Variants in KIAA1217 observed in about 807,000 individuals in gnomAD.
The protein encoded by KIAA1217 is KIAA1217, also known as sickle tail protein homolog.
Under a neutral mutation model 163.9 loss-of-function variants are expected in KIAA1217, and 88 were observed. The ratio of observed to expected loss-of-function variants is 0.54; its 90% CI spans 0.45 to 0.64. KIAA1217 has a LOEUF of 0.64. Ranked by LOEUF, KIAA1217 falls within the 30% of genes least tolerant of loss-of-function variation. The probability of loss-of-function intolerance (pLI) is 0.00; values close to 1 mark genes in which losing one functional copy is unlikely to be tolerated. For synonymous variants in KIAA1217, 903 were observed against 923.1 expected (o/e 0.98, Z 0.39); for missense variants, 2,372 against 2,475.0 (o/e 0.96, Z 0.88).
intron 17 of KIAA1217, among the ~76,000 whole-genome samples, chr10:24,541,596 A>C (rs966980569): frequency 4.6e-5 from 7 of 152,116 alleles, no homozygotes; most frequent in African/African-American, 1.7e-4. Flanking sequence ...ATAATCAATC[A>C]CCTCAGCATG....
chr10:23,998,159 A>G (rs1422652496), intron 1 of KIAA1217, among the ~76,000 whole-genome samples: 2 of 152,190 alleles, frequency 1.3e-5, no homozygotes, highest in African/African-American at 2.4e-5. Flanking sequence ...GAAAAAGAAA[A>G]AAAAAGACTT....
intron 1 of KIAA1217, among the ~76,000 whole-genome samples, chr10:23,806,878 C>T (rs1022431178): frequency 6.6e-6 from 1 of 152,180 alleles, no homozygotes; most frequent in Non-Finnish European, 1.5e-5. Context: ...GCTTCCCACC[C>T]CTCTTTCAGT....
intron 2 of KIAA1217, among the ~76,000 whole-genome samples, chr10:24,039,941 C>T (rs1233654364): frequency 6.6e-6 from 1 of 152,116 alleles, no homozygotes; most frequent in Non-Finnish European, 1.5e-5. Flanking sequence ...TGATTTTTCC[C>T]CTTTCCCTTG....
In KIAA1217 at chr10:23,709,125, T is replaced by A. The variant is rs116224975; in HGVS notation, c.-321+13891T>A. 7.8e-3 allele frequency among the ~76,000 whole-genome samples: 1,194 copies of A among 152,300 alleles called. 19 individuals are homozygous for A. Among genetic ancestry groups the A allele is most frequent in the African/African-American group, 0.027 (1,123 of 41,558 alleles). On this transcript the variant is annotated intron_variant, in intron 1 of 18. Coordinates refer to the KIAA1217 transcript ENST00000376462. ...CGGTGTTCATGGCTTACCCTCCAGA[T>A]GTTTTGACTGGCCGTTGCCCCACCA... is the stretch of plus-strand genomic sequence containing the variant.
At position 24,089,260 on chromosome 10, in the gene KIAA1217, A is replaced by C. The variant is rs574208722; in HGVS notation, c.-171+81886A>C. On this transcript the variant is annotated intron_variant, in intron 2 of 18. Transcript: ENST00000376462. ...TTCTGTAAGTTGCCTATTCACTCTG[A>C]TGGTAGTTTCTTTTGCTGTGCAGAA... is the stretch of plus-strand genomic sequence containing the variant. Among the ~76,000 whole-genome samples the C allele has an allele frequency of 8.2e-4, 102 of 125,106 alleles. 9 individuals are homozygous for C. Among genetic ancestry groups the C allele is most frequent in the African/African-American group, 2.4e-3 (97 of 39,986 alleles). 82.1% of individuals were successfully genotyped at this position (125,106 alleles called of 152,430 possible). A position where few individuals can be genotyped will look rare whatever the true frequency, so the allele number is the denominator to read the frequency against.
chr10:24,369,646 T>C (rs2051292959), intron 2 of KIAA1217, among the ~76,000 whole-genome samples: 1 of 152,238 alleles, frequency 6.6e-6, no homozygotes, highest in Non-Finnish European at 1.5e-5. Context: ...GAAGGCCTTC[T>C]AAGATGTGTA....
chr10:24,019,616 T>G (rs10741036), intron 2 of KIAA1217, among the ~76,000 whole-genome samples: 3 of 151,736 alleles, frequency 2.0e-5, no homozygotes, highest in African/African-American at 7.2e-5. Context: ...TGGAAATACT[T>G]AACTCTGAGG....
chr10:24,211,387 T>A (rs1454017319), intron 1 of KIAA1217, among the ~76,000 whole-genome samples: 3 of 145,616 alleles, frequency 2.1e-5, no homozygotes, highest in African/African-American at 7.6e-5. Context: ...TTTTTTTTTT[T>A]TTTAGAGAGG....
At chr10:23,838,335 A>G (rs1838593589) in intron 1 of KIAA1217, among the ~76,000 whole-genome samples, 1 of 152,236 alleles carries the variant, frequency 6.6e-6, no homozygotes, top group African/African-American at 2.4e-5. Context: ...TACAGTATAC[A>G]TTTTGTTGTA....
At chr10:24,374,006 T>C (rs996936392) in intron 2 of KIAA1217, among the ~76,000 whole-genome samples, 1 of 152,212 alleles carries the variant, frequency 6.6e-6, no homozygotes, top group Non-Finnish European at 1.5e-5. Context: ...CCAGAACAAA[T>C]GCCATTCTGT....
chr10:24,292,194 G>A (rs2079147149), intron 2 of KIAA1217, among the ~76,000 whole-genome samples: 1 of 152,172 alleles, frequency 6.6e-6, no homozygotes, highest in South Asian at 2.1e-4. Flanking sequence ...GACCCCAGAG[G>A]ATTAAGTGGA....
At chr10:24,192,753 C>T (rs527713562) in intron 2 of KIAA1217, among the ~76,000 whole-genome samples, 125 of 152,266 alleles carry the variant, frequency 8.2e-4, no homozygotes, top group African/African-American at 2.9e-3. Context: ...ACAGCAAGAC[C>T]TTGGGAAGAT....
chr10:24,375,017 C>T (rs770039031), intron 2 of KIAA1217, among the ~76,000 whole-genome samples: 6 of 152,126 alleles, frequency 3.9e-5, no homozygotes, highest in Admixed American at 6.5e-5. Context: ...AACTCCTGGG[C>T]TCAAGCAATC....
chr10:23,876,339 G>A (rs568756615), intron 1 of KIAA1217, among the ~76,000 whole-genome samples: 3 of 151,950 alleles, frequency 2.0e-5, no homozygotes, highest in Non-Finnish European at 2.9e-5. Flanking sequence ...AAGGAGGGTG[G>A]AAGGGATGGG....
At chr10:23,715,522 T>C (rs974684009) in intron 1 of KIAA1217, among the ~76,000 whole-genome samples, 3 of 152,218 alleles carry the variant, frequency 2.0e-5, no homozygotes, top group African/African-American at 4.8e-5. Flanking sequence ...TGAGACCTCA[T>C]GGTAAAAGTT....
rs190891404 is a variant in KIAA1217, at chr10:24,350,667, C to T, written c.355-30202C>T. Among the ~76,000 whole-genome samples the T allele has an allele frequency of 2.5e-3, 384 of 152,088 alleles. 3 individuals carry two copies. The highest frequency in any genetic ancestry group is 8.6e-3 in the African/African-American group (358 of 41,510). On this transcript the variant is annotated intron_variant, in intron 2 of 20. Transcript: ENST00000376454. ...AAAGGAATGCAGTAAACTCTTTTTA[C>T]CCATTAGTAATTGACTTTGAAACAG...
intron 1 of KIAA1217, among the ~76,000 whole-genome samples, chr10:23,741,389 AT>A (rs528521781): frequency 2.0e-5 from 3 of 150,960 alleles, no homozygotes; most frequent in South Asian, 2.1e-4. Flanking sequence ...TCTTTTCCTT[AT>A]TTTTTTTCTG....
intron 2 of KIAA1217, among the ~76,000 whole-genome samples, chr10:24,028,291 A>G (rs1452085526): frequency 1.3e-5 from 2 of 152,156 alleles, no homozygotes; most frequent in Non-Finnish European, 1.5e-5. Flanking sequence ...CAAAATGTTC[A>G]TCAGCTGTAG....
chr10:24,329,438 C>T (rs2045375402), intron 2 of KIAA1217, among the ~76,000 whole-genome samples: 1 of 151,748 alleles, frequency 6.6e-6, no homozygotes, highest in Non-Finnish European at 1.5e-5. Context: ...ATTATAAATT[C>T]CCCTTTCTTC....
Sources: gnomAD v4.1 joint callset for allele counts (sites outside exome capture counted in the v4.1 genomes callset) on GRCh38, gnomAD v4.1.1 for gene constraint, MANE v1.5 for transcripts, NCBI Gene and HGNC (gene_info 2026-07-23, HGNC 2026-07-21) for gene names.